Variants in SNX31 observed in about 807,000 individuals in gnomAD.
SNX31 encodes sorting nexin-31.
Under a neutral mutation model 65.4 loss-of-function variants are expected in SNX31, and 58 were observed. That is an observed-to-expected ratio of 0.89 (90% CI 0.72 to 1.10). The LOEUF is 1.10. Among genes scored for constraint, SNX31 ranks in the 50% least tolerant of loss-of-function variants. SNX31 has a pLI of 0.00. For synonymous variants in SNX31, 181 were observed against 190.1 expected (o/e 0.95, Z 0.39); for missense variants, 523 against 529.7 (o/e 0.99, Z 0.12).
Position 100,609,595 on chromosome 8 carries a change from A to G in SNX31, c.612-1032T>C, listed in dbSNP as rs1333206710. On this transcript the variant is annotated intron_variant, in intron 7 of 13. Transcript: ENST00000311812. The surrounding 1 kb of genome is among the most constrained non-coding windows in gnomAD (Gnocchi z 4.9). ...CTGAAACTGTCAGGAAAGGGTACCTATGGCTGATCTCTACCAACCAGAAGG... is the reference window on the plus strand; with the variant it reads ...CTGAAACTGTCAGGAAAGGGTACCTGTGGCTGATCTCTACCAACCAGAAGG... Among the ~76,000 whole-genome samples the G allele has an allele frequency of 3.3e-5, 5 of 152,150 alleles. No individual in the cohort carries two copies. The highest frequency in any genetic ancestry group is 7.3e-5 in the Non-Finnish European group (5 of 68,034).
chr8:100,631,584 T>C (rs1818421469), intron 3 of SNX31, among the ~76,000 whole-genome samples: 1 of 151,854 alleles, frequency 6.6e-6, no homozygotes, highest in African/African-American at 2.4e-5. Flanking sequence ...ATTACAGGAG[T>C]GCGCCACCAC....
At chr8:100,593,901 T>A (rs1256934828) in intron 10 of SNX31, among the ~76,000 whole-genome samples, 2 of 152,186 alleles carry the variant, frequency 1.3e-5, no homozygotes, top group Non-Finnish European at 2.9e-5. Context: ...CAAAGAGTTC[T>A]TGGACTTGAC....
chr8:100,574,065 G>T, intron 13 of SNX31, 105 bp from the exon 14 acceptor site: 1 of 596,764 alleles, frequency 1.7e-6, no homozygotes, highest in Admixed American at 3.6e-5. Flanking sequence ...GCAACAGAAA[G>T]CTTACATTTG....
chr8:100,649,042 G>C (rs928465186), intron 2 of SNX31, among the ~76,000 whole-genome samples: 19 of 152,220 alleles, frequency 1.2e-4, no homozygotes, highest in African/African-American at 3.6e-4. Context: ...AATCACCTGC[G>C]CCCGGTTCCC....
At chr8:100,641,560 AAAAAAATAT>A (rs1819187206) in intron 2 of SNX31, among the ~76,000 whole-genome samples, 1 of 30,748 alleles carries the variant, frequency 3.3e-5, no homozygotes, top group African/African-American at 2.3e-4. Flanking sequence ...AAAAAAAAAA[AAAAAAATAT>A]ATATATATAT....
upstream of SNX31, among the ~76,000 whole-genome samples, chr8:100,650,063 G>GCC (rs11294701): frequency 6.6e-6 from 1 of 151,562 alleles, no homozygotes; most frequent in Non-Finnish European, 1.5e-5. Flanking sequence ...AATACCAGAA[G>GCC]CCCCCCCCAA....
At position 100,573,655 on chromosome 8, in the gene SNX31, T is replaced by C. The variant is rs1242067468; in HGVS notation, c.*210A>G. ...GCAAAAATAAAATAAAAACTAACTCTATAACTTGGTTCTTTTTTTTTTTCT... is the reference window on the plus strand; with the variant it reads ...GCAAAAATAAAATAAAAACTAACTCCATAACTTGGTTCTTTTTTTTTTTCT... On this transcript the variant is annotated 3_prime_UTR_variant, in exon 14 of 14. Coordinates refer to ENST00000311812, the MANE Select transcript of SNX31 (RefSeq NM_152628.4). The C allele has an allele frequency of 2.2e-5, 8 of 367,408 alleles. No homozygotes were observed. The highest frequency in any genetic ancestry group is 1.5e-4 in the African/African-American group (7 of 47,930). The allele number at this position is 367,408 out of a possible 1,614,324, so 22.8% of individuals were successfully genotyped here.
chr8:100,613,589 G>A lies in SNX31; in HGVS notation c.433-504C>T, dbSNP rs1029894541. Among the ~76,000 whole-genome samples the A allele has an allele frequency of 6.6e-5, 10 of 152,194 alleles. No individual in the cohort carries two copies. Among genetic ancestry groups the A allele is most frequent in the South Asian group, 2.1e-4 (1 of 4,830 alleles). ...ACCTTTGACACGCCAGGCCTGCTTC[G>A]CCTTGATGTTTCCTGCGATGGTCAA... On this transcript the variant is annotated intron_variant, in intron 5 of 13. Coordinates refer to ENST00000311812, the MANE Select transcript of SNX31 (RefSeq NM_152628.4). This position sits in a 1 kb window ranked among gnomAD's most constrained non-coding sequence, Gnocchi z 5.2.
rs1406405330 is a variant in SNX31, at chr8:100,576,209, CT to C, written c.1227+809del. Among the ~76,000 whole-genome samples, 2 of 152,212 alleles carry C rather than the reference CT, an allele frequency of 1.3e-5. No individual in the cohort carries two copies. The highest frequency in any genetic ancestry group is 4.8e-5 in the African/African-American group (2 of 41,442). Reference sequence around the variant, plus strand: ...TTCATTCAAGAAAGGACTTTATATACTTACATATTTATAAATACTGTACATA... The same window carrying C: ...TTCATTCAAGAAAGGACTTTATATACTACATATTTATAAATACTGTACATA... On this transcript the variant is annotated intron_variant, in intron 13 of 13. Coordinates refer to ENST00000311812, the MANE Select transcript of SNX31 (RefSeq NM_152628.4). This position sits in a 1 kb window ranked among gnomAD's most constrained non-coding sequence, Gnocchi z 4.8.
chr8:100,603,787 G>T (rs1286278372), intron 8 of SNX31, among the ~76,000 whole-genome samples: 1 of 151,826 alleles, frequency 6.6e-6, no homozygotes, highest in Non-Finnish European at 1.5e-5. Flanking sequence ...GCCCAGGCTG[G>T]AGTGCAGTGG....
intron 2 of SNX31, among the ~76,000 whole-genome samples, chr8:100,636,390 C>T (rs1166864946): frequency 1.1e-4 from 16 of 152,134 alleles, no homozygotes; most frequent in Admixed American, 1.3e-4. Context: ...TCAGCCCTAC[C>T]GCCACCAAAT....
intron 2 of SNX31, among the ~76,000 whole-genome samples, chr8:100,640,727 A>T (rs1196127372): frequency 6.6e-6 from 1 of 152,168 alleles, no homozygotes; most frequent in African/African-American, 2.4e-5. Flanking sequence ...TAAAAAATAT[A>T]AGACAAATTC....
At chr8:100,607,087 G>A (rs1187407340) in intron 8 of SNX31, among the ~76,000 whole-genome samples, 1 of 152,140 alleles carries the variant, frequency 6.6e-6, no homozygotes. Context: ...TGCTACGGAG[G>A]AAAAAGAACA....
chr8:100,607,893 G>A (rs948603507), intron 8 of SNX31, among the ~76,000 whole-genome samples: 5 of 152,208 alleles, frequency 3.3e-5, no homozygotes, highest in Non-Finnish European at 7.3e-5. Flanking sequence ...TGGGTTCTCT[G>A]AGCCCAGAGC....
At chr8:100,644,388 CA>C (rs1256036266) in intron 2 of SNX31, among the ~76,000 whole-genome samples, 1 of 152,180 alleles carries the variant, frequency 6.6e-6, no homozygotes, top group Non-Finnish European at 1.5e-5. Flanking sequence ...ATGTTTCCCT[CA>C]CAGATTTCTT....
intron 7 of SNX31, 72 bp downstream of exon 7, chr8:100,611,928 G>T: frequency 2.6e-6 from 3 of 1,168,558 alleles, no homozygotes; most frequent in Non-Finnish European, 3.8e-6. Flanking sequence ...GATGTGACGG[G>T]ACTCTGGTAA....
upstream of SNX31, chr8:100,649,805 G>A (rs771059501): frequency 1.5e-5 from 6 of 392,162 alleles, no homozygotes; most frequent in Non-Finnish European, 2.7e-5. Flanking sequence ...GCCACTGTTG[G>A]CATTTTCTCC....
At chr8:100,650,038 G>A (rs1819914483), upstream of SNX31, among the ~76,000 whole-genome samples, 1 of 146,220 alleles carries the variant, frequency 6.8e-6, no homozygotes, top group Non-Finnish European at 1.5e-5. Context: ...TTTCAATCTT[G>A]TTTTTTCCCC....
Position 100,612,422 on chromosome 8 carries a change from C to T in SNX31, c.524-335G>A, listed in dbSNP as rs1276167878. Among the ~76,000 whole-genome samples the T allele has an allele frequency of 6.6e-6, 1 of 152,010 alleles. No homozygotes were observed. Among genetic ancestry groups the T allele is most frequent in the African/African-American group, 2.4e-5 (1 of 41,374 alleles). On this transcript the variant is annotated intron_variant, in intron 6 of 13. Coordinates refer to ENST00000311812, the MANE Select transcript of SNX31 (RefSeq NM_152628.4). The surrounding 1 kb of genome is among the most constrained non-coding windows in gnomAD (Gnocchi z 4.3). Reference sequence around the variant, plus strand: ...AAGCCCCTTAACTTCCAACTCAAAACCACCTCCCCTGGCTTCTTGAGGACA... The same window carrying T: ...AAGCCCCTTAACTTCCAACTCAAAATCACCTCCCCTGGCTTCTTGAGGACA...
Sources: gnomAD v4.1 joint callset for allele counts (sites outside exome capture counted in the v4.1 genomes callset) on GRCh38, gnomAD v4.1.1 for gene constraint, Gnocchi (gnomAD v3.1) non-coding constraint, MANE v1.5 for transcripts, NCBI Gene and HGNC (gene_info 2026-07-23, HGNC 2026-07-21) for gene names.